Variants in FBN1 observed in about 807,000 individuals in gnomAD.
FBN1 encodes fibrillin 1.
A neutral mutation model predicts 365.1 loss-of-function variants in FBN1; 29 were observed. That is an observed-to-expected ratio of 0.08 (90% CI 0.06 to 0.11). The LOEUF is 0.11. FBN1 is among the 10% of genes least tolerant of loss of function. The probability of loss-of-function intolerance (pLI) is 1.00; values close to 1 mark genes in which losing one functional copy is unlikely to be tolerated. For missense variants in FBN1, 2,476 were observed against 3,703.2 expected, an observed-to-expected ratio of 0.67 and a Z score of 8.60; for synonymous variants, 1,210 against 1,270.5, an observed-to-expected ratio of 0.95 and a Z score of 1.01.
chr15:48,615,984 A>G (rs1889643903), intron 2 of FBN1, among the ~76,000 whole-genome samples: 1 of 152,224 alleles, frequency 6.6e-6, no homozygotes, highest in Admixed American at 6.5e-5. Flanking sequence ...ATATTCATCC[A>G]CAACTGTTCA....
chr15:48,408,606 G>A lies in FBN1; in HGVS notation c.*2384C>T, dbSNP rs989697756. 1 of 152,628 alleles carries A rather than the reference G, an allele frequency of 6.6e-6. No homozygotes were observed. The highest frequency in any genetic ancestry group is 2.4e-5 in the African/African-American group (1 of 41,444). 9.5% of individuals were successfully genotyped at this position (152,628 alleles called of 1,614,324 possible). On this transcript the variant is annotated 3_prime_UTR_variant, in exon 66 of 66. Transcript: ENST00000316623. ...GCCAAGTTCTTCAACTATTGAAAGT[G>A]AAATTGAAAGGTCACAGACAATTGA... is the stretch of plus-strand genomic sequence containing the variant.
intron 36 of FBN1, among the ~76,000 whole-genome samples, chr15:48,469,654 A>AT (rs1004661846): frequency 1.4e-4 from 21 of 151,990 alleles, no homozygotes; most frequent in Non-Finnish European, 2.4e-4. Context: ...GCTGCAGATG[A>AT]TTTTTTTGTT....
In FBN1 at chr15:48,490,114, A is replaced by C. The variant is rs753190936; in HGVS notation, c.2855-36T>G. On this transcript the variant is annotated intron_variant, in intron 24 of 65. Coordinates refer to ENST00000316623, the MANE Select transcript of FBN1 (RefSeq NM_000138.5). ...GAATCAAGGGAGGTTAAATAGAGCC[A>C]CACGGCTTCCACTGCCCCAAACTGC... The C allele has an allele frequency of 4.2e-5, 67 of 1,584,744 alleles. No homozygotes were observed. The African/African-American group carries it at 8.5e-4, about 20-fold the overall frequency.
intron 53 of FBN1, 21 bp downstream of exon 53, chr15:48,436,940 G>A: frequency 2.1e-6 from 3 of 1,414,342 alleles, no homozygotes; most frequent in Non-Finnish European, 3.0e-6. Flanking sequence ...AAGTTCCTAT[G>A]GAAGAAAACT....
At chr15:48,584,088 C>T (rs1345936155) in intron 6 of FBN1, among the ~76,000 whole-genome samples, 1 of 152,096 alleles carries the variant, frequency 6.6e-6, no homozygotes, top group Non-Finnish European at 1.5e-5. Context: ...TACTTGTCAA[C>T]CAAGATTACC....
chr15:48,435,772 ATGTGTGTG>A (rs374043226), intron 53 of FBN1, among the ~76,000 whole-genome samples: 2 of 106,346 alleles, frequency 1.9e-5, no homozygotes, highest in African/African-American at 4.3e-5. Context: ...ATATGTGTAT[ATGTGTGTG>A]TGTGTGTGTG....
intron 12 of FBN1, 94 bp downstream of exon 12, chr15:48,515,293 G>T: frequency 7.1e-7 from 1 of 1,410,088 alleles, no homozygotes; most frequent in Non-Finnish European, 1.0e-6. Flanking sequence ...CACCAAGTTT[G>T]GGGTAAGTTG....
chr15:48,465,286 A>G (rs1160708332), intron 40 of FBN1, among the ~76,000 whole-genome samples: 1 of 152,228 alleles, frequency 6.6e-6, no homozygotes, highest in Non-Finnish European at 1.5e-5. Flanking sequence ...TTTTCTGAAG[A>G]GCATGGAAAA....
At position 48,485,358 on chromosome 15, in the gene FBN1, G is replaced by C; in HGVS notation, c.3712+16C>G. 1.2e-6 allele frequency: 2 copies of C among 1,614,124 alleles called. No individual in the cohort carries two copies. Among genetic ancestry groups the C allele is most frequent in the Non-Finnish European group, 1.7e-6 (2 of 1,180,016 alleles). ...AACCTACTGAGAGATTCAACATGAG[G>C]CTAGAACCTACTCACCGGTGCATGA... On this transcript the variant is annotated intron_variant, in intron 30 of 65. Coordinates refer to ENST00000316623, the MANE Select transcript of FBN1 (RefSeq NM_000138.5).
At chr15:48,474,114 TCCCACA>T in intron 34 of FBN1, 135 bp downstream of exon 34, 2 of 1,290,790 alleles carry the variant, frequency 1.5e-6, no homozygotes, top group Admixed American at 3.9e-5. Flanking sequence ...ATTTTTTTTT[TCCCACA>T]GAGCTCTAGT....
chr15:48,472,685 A>G lies in FBN1; in HGVS notation c.4211-9T>C. ...AGAGCACTCATCAAGGTCTACAGCC[A>G]GAAAGAAACACACGTTACTCTTCCT... On this transcript the variant is annotated splice_polypyrimidine_tract_variant and intron_variant, in intron 34 of 65. Transcript: ENST00000316623. 1.9e-6 allele frequency: 3 copies of G among 1,614,190 alleles called. No individual in the cohort carries two copies. The highest frequency in any genetic ancestry group is 2.5e-6 in the Non-Finnish European group (3 of 1,180,010).
At chr15:48,641,981 T>A (rs1471362353) in intron 2 of FBN1, 1 of 152,188 alleles carries the variant, frequency 6.6e-6, no homozygotes. Flanking sequence ...TATAAACACG[T>A]GTATGTAAAC....
chr15:48,602,105 T>C (rs2044572367), intron 4 of FBN1, among the ~76,000 whole-genome samples: 1 of 152,124 alleles, frequency 6.6e-6, no homozygotes, highest in Non-Finnish European at 1.5e-5. Flanking sequence ...CTTACCTGCC[T>C]CTTTGTCTCC....
chr15:48,477,359 T>C (rs561634563), intron 32 of FBN1, among the ~76,000 whole-genome samples: 5 of 152,210 alleles, frequency 3.3e-5, no homozygotes, highest in Admixed American at 2.0e-4. Flanking sequence ...TTTTGGGTAA[T>C]AGGAGAGAGT....
At chr15:48,492,865 G>A (rs1174175658) in intron 23 of FBN1, among the ~76,000 whole-genome samples, 1 of 152,164 alleles carries the variant, frequency 6.6e-6, no homozygotes, top group Non-Finnish European at 1.5e-5. Flanking sequence ...GACAGCTCTG[G>A]TAGCTGCGGA....
intron 9 of FBN1, among the ~76,000 whole-genome samples, chr15:48,523,516 A>AT (rs528279047): frequency 6.6e-6 from 1 of 152,184 alleles, no homozygotes; most frequent in South Asian, 2.1e-4. Flanking sequence ...TTTCTAATTT[A>AT]TTTTTTTGCT....
At chr15:48,498,815 C>T (rs931339009) in intron 18 of FBN1, among the ~76,000 whole-genome samples, 170 bp downstream of exon 18, 2 of 152,136 alleles carry the variant, frequency 1.3e-5, no homozygotes, top group Non-Finnish European at 2.9e-5. Flanking sequence ...CACAGTGCCC[C>T]GGCTGCTCTG....
At chr15:48,593,378 G>T (rs1355832411) in intron 6 of FBN1, among the ~76,000 whole-genome samples, 1 of 152,156 alleles carries the variant, frequency 6.6e-6, no homozygotes, top group Non-Finnish European at 1.5e-5. Context: ...ATGATAAGAG[G>T]TTTTTGCTTT....
At position 48,427,787 on chromosome 15, in the gene FBN1, T is replaced by C; in HGVS notation, c.6998-14A>G. 6.2e-7 allele frequency: 1 copy of C among 1,611,336 alleles called. No individual in the cohort carries two copies. Among genetic ancestry groups the C allele is most frequent in the Non-Finnish European group, 8.5e-7 (1 of 1,177,986 alleles). Reference sequence around the variant, plus strand: ...CTTCCCGATTGTCTGGAAGGGACATTATATGGCAAAGGGGATGTCAGGAAA... The same window carrying C: ...CTTCCCGATTGTCTGGAAGGGACATCATATGGCAAAGGGGATGTCAGGAAA... On this transcript the variant is annotated splice_polypyrimidine_tract_variant and intron_variant, in intron 57 of 65. Transcript: ENST00000316623.
Sources: allele counts gnomAD v4.1 joint callset (sites outside exome capture counted in the v4.1 genomes callset), GRCh38; gene constraint gnomAD v4.1.1; transcripts MANE v1.5; gene names NCBI Gene and HGNC (gene_info 2026-07-23, HGNC 2026-07-21).